The following GLIS1 variants were observed in gnomAD, a reference collection of about 807,000 sequenced individuals.
The protein encoded by GLIS1 is zinc finger protein GLIS1.
Under a neutral mutation model 63.8 loss-of-function variants are expected in GLIS1, and 24 were observed. The ratio of observed to expected loss-of-function variants is 0.38; its 90% CI spans 0.27 to 0.53. The LOEUF is 0.53. GLIS1 is among the 20% of genes least tolerant of loss of function. GLIS1 has a pLI of 0.85. For missense variants in GLIS1, 1,036 were observed against 1,074.1 expected (o/e 0.96, Z 0.50); for synonymous variants, 450 against 482.5 (o/e 0.93, Z 0.88).
At chr1:53,625,358 G>A (rs570867495) in intron 2 of GLIS1, among the ~76,000 whole-genome samples, 2 of 152,300 alleles carry the variant, frequency 1.3e-5, no homozygotes, top group South Asian at 2.1e-4. Flanking sequence ...CTGGGACCAG[G>A]AAGCCCAGGA....
chr1:53,533,661 C>T (rs761444245), intron 4 of GLIS1, among the ~76,000 whole-genome samples: 17 of 152,202 alleles, frequency 1.1e-4, no homozygotes, highest in Non-Finnish European at 2.4e-4. Context: ...ATGCTGCAGG[C>T]ACCCCTGGCA....
At chr1:53,592,878 C>T (rs774845841) in intron 4 of GLIS1, among the ~76,000 whole-genome samples, 4 of 152,262 alleles carry the variant, frequency 2.6e-5, no homozygotes, top group Admixed American at 6.5e-5. Flanking sequence ...AGATCCTGTC[C>T]GACGCCCAGC....
chr1:53,618,866 C>T (rs982803577), intron 2 of GLIS1, among the ~76,000 whole-genome samples: 119 of 152,336 alleles, frequency 7.8e-4, no homozygotes, highest in African/African-American at 2.8e-3. Context: ...GGAAAGGACC[C>T]CCAGGCAGGA....
At chr1:53,690,140 T>C (rs1308804776) in intron 2 of GLIS1, among the ~76,000 whole-genome samples, 4 of 152,216 alleles carry the variant, frequency 2.6e-5, no homozygotes, top group African/African-American at 9.6e-5. Context: ...ATCCCCAGCA[T>C]AGGCTAGAAA....
chr1:53,593,838 T>G (rs1645217551), intron 4 of GLIS1, among the ~76,000 whole-genome samples: 1 of 152,220 alleles, frequency 6.6e-6, no homozygotes, highest in Non-Finnish European at 1.5e-5. Flanking sequence ...CCCCGGGCCC[T>G]GTGGCGTGCT....
At chr1:53,660,184 C>G (rs1337545038) in intron 2 of GLIS1, among the ~76,000 whole-genome samples, 1 of 152,154 alleles carries the variant, frequency 6.6e-6, no homozygotes, top group Non-Finnish European at 1.5e-5. Flanking sequence ...CAGGGCCTTG[C>G]TTAGGGGAGG....
At chr1:53,516,100 C>T (rs1644350325) in intron 7 of GLIS1, among the ~76,000 whole-genome samples, 1 of 152,138 alleles carries the variant, frequency 6.6e-6, no homozygotes. Context: ...CTCTGTGTGA[C>T]CTGGGGGCTA....
In GLIS1 at chr1:53,522,025, C is replaced by A. The variant is rs370947338; in HGVS notation, c.1594-1259G>T. 5.3e-5 allele frequency among the ~76,000 whole-genome samples: 8 copies of A among 152,356 alleles called. No individual in the cohort carries two copies. In the East Asian group the frequency reaches 1.2e-3, roughly 22 times the overall value. On this transcript the variant is annotated intron_variant, in intron 6 of 10. Coordinates refer to ENST00000628545, the MANE Select transcript of GLIS1 (RefSeq NM_001367484.1). Reference sequence around the variant, plus strand: ...GCCCTCCTAAGACAGCAGGGCCAGGCCCAGGCTTGGAGAAGGCAAGCCCAG... The same window carrying A: ...GCCCTCCTAAGACAGCAGGGCCAGGACCAGGCTTGGAGAAGGCAAGCCCAG...
intron 4 of GLIS1, among the ~76,000 whole-genome samples, chr1:53,588,499 G>C (rs1442952198): frequency 3.3e-5 from 5 of 152,156 alleles, no homozygotes; most frequent in African/African-American, 9.7e-5. Context: ...CACCCTCTCT[G>C]GGTCTGTCTT....
In GLIS1 at chr1:53,541,002, C is replaced by T. The variant is rs548164012; in HGVS notation, c.1321-11050G>A. Among the ~76,000 whole-genome samples the T allele has an allele frequency of 4.6e-5, 7 of 152,342 alleles. No individual in the cohort carries two copies. The South Asian group carries it at 1.2e-3, about 27-fold the overall frequency. ...AGAAATGTCCCGTGAGGCCTGAGAC[C>T]TCCATCTTGCGAGGGGGCAGTGTTC... On this transcript the variant is annotated intron_variant, in intron 4 of 10. Coordinates refer to ENST00000628545, the MANE Select transcript of GLIS1 (RefSeq NM_001367484.1).
rs371649230 is a variant in GLIS1, at chr1:53,514,288, G to A, written c.1883+337C>T. On this transcript the variant is annotated intron_variant, in intron 8 of 10. Transcript: ENST00000628545. ...CAAGGAGACACCAGAGTGAGGCCCC[G>A]AGGAGGCCTGGGTTCCATTCTGCGT... Among the ~76,000 whole-genome samples the A allele has an allele frequency of 1.2e-4, 18 of 152,280 alleles. No individual in the cohort carries two copies. In the South Asian group the frequency reaches 1.7e-3, roughly 14 times the overall value.
In GLIS1 at chr1:53,739,098, C is replaced by A. The variant is rs1010902623; in HGVS notation, c.-43+7G>T. On this transcript the variant is annotated splice_region_variant and intron_variant, in intron 1 of 10. Transcript: ENST00000628545. ...CTCCCTCGGCCGCGGGCCGCGCCCC[C>A]TCTCACCTCGCAGCGGCAGCTGCAG... 6.6e-6 allele frequency among the ~76,000 whole-genome samples: 1 copy of A among 151,754 alleles called. No homozygotes were observed. Among genetic ancestry groups the A allele is most frequent in the African/African-American group, 2.4e-5 (1 of 41,386 alleles).
At chr1:53,516,832 G>GCACCAC (rs1300910173) in intron 7 of GLIS1, among the ~76,000 whole-genome samples, 11 of 151,312 alleles carry the variant, frequency 7.3e-5, no homozygotes, top group Non-Finnish European at 1.5e-4. Flanking sequence ...AAAAAACAAA[G>GCACCAC]CACCACCACC....
chr1:53,543,711 T>A (rs1644668468), intron 4 of GLIS1, among the ~76,000 whole-genome samples: 1 of 151,858 alleles, frequency 6.6e-6, no homozygotes, highest in African/African-American at 2.4e-5. Context: ...TCGCCAGCTG[T>A]TCGGCTCAGA....
intron 5 of GLIS1, among the ~76,000 whole-genome samples, chr1:53,529,454 G>C (rs1012548365): frequency 6.6e-6 from 1 of 152,312 alleles, no homozygotes; most frequent in African/African-American, 2.4e-5. Context: ...GGCTGTGCAC[G>C]GCTCTGGTGC....
chr1:53,556,539 G>GTT (rs1491340118), intron 4 of GLIS1, among the ~76,000 whole-genome samples: 1 of 98,478 alleles, frequency 1.0e-5, no homozygotes, highest in African/African-American at 5.0e-5. Flanking sequence ...TGTACTGCAG[G>GTT]TGTGTGTGTG....
chr1:53,693,238 G>C (rs1001946825), intron 2 of GLIS1, among the ~76,000 whole-genome samples: 4 of 152,202 alleles, frequency 2.6e-5, no homozygotes, highest in African/African-American at 9.7e-5. Context: ...CTGACGCAGA[G>C]AAGGGCTGTA....
chr1:53,539,521 C>G lies in GLIS1; in HGVS notation c.1321-9569G>C, dbSNP rs1361509727. The stretch of plus-strand genomic sequence containing the variant: ...CCCCCAACATACACACACCACACCA[C>G]ACACACACATACCACACGGTATACA... On this transcript the variant is annotated intron_variant, in intron 4 of 10. Transcript: ENST00000628545. The surrounding 1 kb of genome is among the most constrained non-coding windows in gnomAD (Gnocchi z 5.0). Among the ~76,000 whole-genome samples the G allele has an allele frequency of 1.8e-5, 1 of 56,366 alleles. No individual in the cohort carries two copies. The highest frequency in any genetic ancestry group is 4.1e-5 in the Non-Finnish European group (1 of 24,240). 37.0% of individuals were successfully genotyped at this position (56,366 alleles called of 152,430 possible).
rs116682301 is a variant in GLIS1 at position 53,519,237 on chromosome 1, G to A, written c.1726+1397C>T. On this transcript the variant is annotated intron_variant, in intron 7 of 10. Coordinates refer to ENST00000628545, the MANE Select transcript of GLIS1 (RefSeq NM_001367484.1). Reference sequence around the variant, plus strand: ...ACACAGAGGGGTCCTCTAGCTAGACGTGAGGAGGGTGCAGACCCTCCCCCA... The same window carrying A: ...ACACAGAGGGGTCCTCTAGCTAGACATGAGGAGGGTGCAGACCCTCCCCCA... Among the ~76,000 whole-genome samples the A allele has an allele frequency of 5.8e-3, 885 of 152,248 alleles. 7 individuals carry two copies. The highest frequency in any genetic ancestry group is 0.02 in the African/African-American group (824 of 41,540).
Sources: gnomAD v4.1 joint callset for allele counts (sites outside exome capture counted in the v4.1 genomes callset) on GRCh38, gnomAD v4.1.1 for gene constraint, Gnocchi (gnomAD v3.1) non-coding constraint, MANE v1.5 for transcripts, NCBI Gene and HGNC (gene_info 2026-07-23, HGNC 2026-07-21) for gene names.